PABPN1L: variants seen among roughly 807,000 people sequenced by gnomAD.
PABPN1L encodes the protein embryonic polyadenylate-binding protein 2.
A neutral mutation model predicts 34.0 loss-of-function variants in PABPN1L; 45 were observed. The ratio of observed to expected loss-of-function variants is 1.32; its 90% confidence interval spans 1.04 to 1.70. The LOEUF (loss-of-function observed/expected upper bound fraction) is 1.70. Ranked by LOEUF, PABPN1L falls within the 40% of genes most tolerant of loss-of-function variation. The pLI, the probability that PABPN1L is intolerant of heterozygous loss-of-function variation, is 0.00. For missense variants in PABPN1L, 459 were observed against 367.8 expected (o/e 1.25, Z -2.03); for synonymous variants, 182 against 152.1 (o/e 1.20, Z -1.45).
At chr16:88,870,105 T>C (rs947297564), upstream of PABPN1L, among the ~76,000 whole-genome samples, 2 of 151,574 alleles carry the variant, frequency 1.3e-5, no homozygotes, top group African/African-American at 2.4e-5. Flanking sequence ...TTCTTTTTTT[T>C]TTTTGAGATG....
upstream of PABPN1L, among the ~76,000 whole-genome samples, chr16:88,869,241 T>A (rs1222812878): frequency 6.6e-6 from 1 of 152,290 alleles, no homozygotes; most frequent in East Asian, 1.9e-4. Context: ...ACCCAGAGGA[T>A]TTTCTGGGGC....
chr16:88,869,358 G>A (rs1376268929), upstream of PABPN1L, among the ~76,000 whole-genome samples: 3 of 152,222 alleles, frequency 2.0e-5, no homozygotes, highest in Admixed American at 6.5e-5. Flanking sequence ...TTACGTGTGC[G>A]TGGTCCCTGG....
At chr16:88,865,314 C>T (rs902792738) in intron 3 of PABPN1L, among the ~76,000 whole-genome samples, 186 bp from the exon 4 acceptor site, 1 of 150,830 alleles carries the variant, frequency 6.6e-6, no homozygotes, top group African/African-American at 2.4e-5. Flanking sequence ...GGAGCGCTTC[C>T]TTCTGGAGAG....
chr16:88,865,790 T>C lies in PABPN1L; in HGVS notation c.391+16A>G. 6.3e-7 allele frequency: 1 copy of C among 1,596,148 alleles called. No individual in the cohort carries two copies. The highest frequency in any genetic ancestry group is 8.5e-7 in the Non-Finnish European group (1 of 1,171,220). ...CCCTTGCTCAGTGGGGGGCGGCCTG[T>C]GCCCTTGGTTCCTACCCACGGTCTC... On this transcript the variant is annotated intron_variant, in intron 2 of 6. Coordinates refer to ENST00000419291, the Ensembl canonical transcript of PABPN1L.
At chr16:88,867,329 G>T (rs890919541), upstream of PABPN1L, among the ~76,000 whole-genome samples, 3 of 151,980 alleles carry the variant, frequency 2.0e-5, no homozygotes. Context: ...CCAGGTTCGG[G>T]TGATTCTCCT....
chr16:88,867,274 CTG>C (rs1001243763), upstream of PABPN1L, among the ~76,000 whole-genome samples: 3 of 146,892 alleles, frequency 2.0e-5, no homozygotes, highest in African/African-American at 7.6e-5. Context: ...GTTGCCAAGT[CTG>C]GAGTGCGGTG....
At chr16:88,864,084 C>G (rs202097150) in intron 6 of PABPN1L, among the ~76,000 whole-genome samples, 153 bp downstream of exon 6, 1 of 137,316 alleles carries the variant, frequency 7.3e-6, no homozygotes, top group African/African-American at 3.1e-5. Flanking sequence ...GCGCCCCCCC[C>G]ACCAGCTGAT....
In PABPN1L at chr16:88,864,950, G is replaced by C. The variant is rs761530042; in HGVS notation, c.567-10C>G. On this transcript the variant is annotated splice_polypyrimidine_tract_variant and intron_variant, in intron 4 of 6. Coordinates refer to ENST00000419291, the Ensembl canonical transcript of PABPN1L. ...CTCTATGTAGGCATAACTGAGGGGA[G>C]GGGCAGGGAGGGGAGGGGTGAGGCT... 1.4e-6 allele frequency: 2 copies of C among 1,414,566 alleles called. No homozygotes were observed. The highest frequency in any genetic ancestry group is 3.8e-5 in the African/African-American group (2 of 52,964). 87.6% of individuals were successfully genotyped at this position (1,414,566 alleles called of 1,614,324 possible). A position where few individuals can be genotyped will look rare whatever the true frequency, so the allele number is the denominator to read the frequency against.
At chr16:88,863,736 C>G in exon 7 of PABPN1L, 1 of 1,535,966 alleles carries the variant, frequency 6.5e-7, no homozygotes. Context: ...CAGCCCCTCT[C>G]TCAAAATCGG....
At chr16:88,866,142 C>T (rs143158688) in intron 1 of PABPN1L, among the ~76,000 whole-genome samples, 1 of 152,348 alleles carries the variant, frequency 6.6e-6, no homozygotes, top group Non-Finnish European at 1.5e-5. Flanking sequence ...ACCTCAAGGG[C>T]CCTTCCCCAG....
rs533324058 is a variant in PABPN1L at position 88,865,900 on chromosome 16, C to G, written c.297G>C (p.Gln99His). 3.7e-6 allele frequency: 6 copies of G among 1,609,512 alleles called. No individual in the cohort carries two copies. The East Asian group carries it at 1.3e-4, about 36-fold the overall frequency. ...CTGGAGGCCGTGGCGTCCCCTCGGC[C>G]TGCTCCATGGCACACACCTTCATCT... The change falls in exon 2 of 7, where the codon CAG (glutamine) becomes CAC (histidine). Residue 99 changes from glutamine to histidine, a missense_variant. Gln to His is a conservative substitution (Grantham distance 24). Coordinates refer to ENST00000419291, the Ensembl canonical transcript of PABPN1L.
chr16:88,863,457 G>A (rs1968494303), exon 7 of PABPN1L: 5 of 545,422 alleles, frequency 9.2e-6, no homozygotes, highest in South Asian at 4.4e-5. Context: ...GCCTGGCACT[G>A]CCTGGGACTC....
At chr16:88,869,028 G>A (rs573080176), upstream of PABPN1L, among the ~76,000 whole-genome samples, 3 of 152,374 alleles carry the variant, frequency 2.0e-5, no homozygotes, top group African/African-American at 7.2e-5. Context: ...GAATTTCCCT[G>A]TAAGCGCGAT....
intron 3 of PABPN1L, 50 bp from the exon 4 acceptor site, chr16:88,865,178 C>T (rs749376553): frequency 1.7e-5 from 26 of 1,532,418 alleles, no homozygotes; most frequent in Admixed American, 1.2e-4. Context: ...GGCCCTGACT[C>T]GGGGCCTTCT....
At position 88,865,131 on chromosome 16, in the gene PABPN1L, G is replaced by A. The variant is rs534828288; in HGVS notation, c.460-3C>T. On this transcript the variant is annotated splice_polypyrimidine_tract_variant and splice_region_variant and intron_variant, in intron 3 of 6. Transcript: ENST00000419291. ...TCGGCGGAGCCCCCGTAGTCCACCT[G>A]CACCCAGGCCCAGACCAGCATGTGA... The A allele has an allele frequency of 8.9e-6, 14 of 1,564,902 alleles. No homozygotes were observed. Among genetic ancestry groups the A allele is most frequent in the Non-Finnish European group, 1.2e-5 (14 of 1,155,584 alleles).
chr16:88,866,120 C>T (rs1968586249), intron 1 of PABPN1L, among the ~76,000 whole-genome samples, 179 bp from the exon 2 acceptor site: 2 of 152,244 alleles, frequency 1.3e-5, no homozygotes, highest in South Asian at 4.1e-4. Context: ...GCAGAGAAGC[C>T]CCCGAAACCG....
upstream of PABPN1L, among the ~76,000 whole-genome samples, chr16:88,867,776 G>A (rs1177252963): frequency 6.6e-6 from 1 of 152,222 alleles, no homozygotes; most frequent in Admixed American, 6.5e-5. Flanking sequence ...ACCTGCCACC[G>A]CGGCTGCTGG....
Position 88,864,472 on chromosome 16 carries a change from C to T in PABPN1L, c.655-93G>A, listed in dbSNP as rs980662532. 5.5e-6 allele frequency: 8 copies of T among 1,446,282 alleles called. No homozygotes were observed. In the South Asian group the frequency reaches 1.1e-4, roughly 21 times the overall value. 89.6% of individuals were successfully genotyped at this position (1,446,282 alleles called of 1,614,324 possible). A position where few individuals can be genotyped will look rare whatever the true frequency, so the allele number is the denominator to read the frequency against. ...CCCCCACCACCCCGGAGCATGGGGT[C>T]CTGCCCGGCTCAGGATACCATTCGG... is the stretch of plus-strand genomic sequence containing the variant. On this transcript the variant is annotated intron_variant, in intron 5 of 6. Transcript: ENST00000419291.
chr16:88,869,234 C>T (rs1048727450), upstream of PABPN1L, among the ~76,000 whole-genome samples: 1 of 152,242 alleles, frequency 6.6e-6, no homozygotes, highest in African/African-American at 2.4e-5. Flanking sequence ...GTTCACCACC[C>T]AGAGGATTTT....
Sources: gnomAD v4.1 joint callset for allele counts (sites outside exome capture counted in the v4.1 genomes callset) on GRCh38, gnomAD v4.1.1 for gene constraint, MANE v1.5 for transcripts, NCBI Gene and HGNC (gene_info 2026-07-23, HGNC 2026-07-21) for gene names.